The following PDE1C variants were observed in gnomAD, a reference collection of about 807,000 sequenced individuals.
PDE1C encodes phosphodiesterase 1C.
Under a neutral mutation model 93.1 loss-of-function variants are expected in PDE1C, and 62 were observed. The ratio of observed to expected loss-of-function variants is 0.67; its 90% CI spans 0.54 to 0.82. PDE1C has a LOEUF of 0.82. Ranked by LOEUF, PDE1C falls within the 40% of genes least tolerant of loss-of-function variation. The probability of loss-of-function intolerance (pLI) is 0.00; values close to 1 mark genes in which losing one functional copy is unlikely to be tolerated. For synonymous variants in PDE1C, 325 were observed against 310.1 expected, an observed-to-expected ratio of 1.05 and a Z score of -0.50; for missense variants, 742 against 884.6, an observed-to-expected ratio of 0.84 and a Z score of 2.04.
chr7:31,745,042 T>C, the PDE1C span, among the ~76,000 whole-genome samples: 17 of 152,036 alleles, frequency 1.1e-4, no homozygotes, highest in Admixed American at 8.5e-4. Flanking sequence ...CTGGATGAAG[T>C]GAGATTTTGG....
At chr7:32,299,038 G>A (rs928869993) in exon 1 of PDE1C, 2 of 1,191,744 alleles carry the variant, frequency 1.7e-6, no homozygotes, top group Non-Finnish European at 2.1e-6. Flanking sequence ...GCCCGAGCGC[G>A]TGGACGGGGC....
intron 2 of PDE1C, among the ~76,000 whole-genome samples, chr7:32,209,164 G>A (rs757631143): frequency 2.0e-5 from 3 of 152,146 alleles, no homozygotes; most frequent in Non-Finnish European, 4.4e-5. Context: ...GACTCAATAG[G>A]TCTGAAGGGG....
At chr7:31,718,639 C>A in the PDE1C span, among the ~76,000 whole-genome samples, 1 of 152,182 alleles carries the variant, frequency 6.6e-6, no homozygotes, top group Non-Finnish European at 1.5e-5. Context: ...ATGGGGCCCC[C>A]ATTCATATGT....
chr7:32,412,424 A>C (rs10228211), intron 1 of PDE1C, among the ~76,000 whole-genome samples: 21,524 of 150,088 alleles, frequency 0.14, 3,026 homozygotes, highest in African/African-American at 0.36. Flanking sequence ...CCACTGCACT[A>C]CAGTCTAGGT....
At chr7:31,674,569 T>C in the PDE1C span, among the ~76,000 whole-genome samples, 1 of 152,034 alleles carries the variant, frequency 6.6e-6, no homozygotes, top group African/African-American at 2.4e-5. Context: ...GATATAGAGA[T>C]AGAAAAATTG....
intron 16 of PDE1C, among the ~76,000 whole-genome samples, chr7:31,799,684 T>C (rs1584146728): frequency 1.3e-5 from 2 of 151,712 alleles, no homozygotes; most frequent in Non-Finnish European, 3.0e-5. Flanking sequence ...GTAGATATGA[T>C]TAGAGGCAAA....
intron 3 of PDE1C, among the ~76,000 whole-genome samples, chr7:32,120,638 G>A (rs1799245921): frequency 6.6e-6 from 1 of 152,082 alleles, no homozygotes; most frequent in African/African-American, 2.4e-5. Context: ...CAGCCCTCCA[G>A]AAGCGCAACC....
intron 1 of PDE1C, among the ~76,000 whole-genome samples, chr7:32,066,381 C>CA (rs557692200): frequency 4.1e-4 from 63 of 151,912 alleles, no homozygotes; most frequent in Non-Finnish European, 6.8e-4. Context: ...TTAGGTAATG[C>CA]AAAAAAGCAT....
At chr7:31,847,730 T>G in intron 9 of PDE1C, 1 of 441,086 alleles carries the variant, frequency 2.3e-6, no homozygotes, top group South Asian at 2.5e-5. Context: ...AGTTGGAACT[T>G]AATCATAACA....
At chr7:32,267,559 C>G (rs970250770) in intron 1 of PDE1C, among the ~76,000 whole-genome samples, 2 of 141,962 alleles carry the variant, frequency 1.4e-5, no homozygotes, top group Non-Finnish European at 3.1e-5. Context: ...AATGCAGCCT[C>G]TTTCTCTCTC....
In PDE1C at chr7:31,954,466, C is replaced by A. The variant is rs533518764; in HGVS notation, c.129-73606G>T. ...GGTAGCTTGCATTACCCTAGCTAAC[C>A]CAATTTGCTTTCATGGTTTCCTTTC... On this transcript the variant is annotated intron_variant, in intron 2 of 17. Coordinates refer to ENST00000396191, the MANE Select transcript of PDE1C (RefSeq NM_001191057.4). Among the ~76,000 whole-genome samples, 62 of 152,138 alleles carry A rather than the reference C, an allele frequency of 4.1e-4. No homozygotes were observed. In the South Asian group the frequency reaches 9.1e-3, roughly 22 times the overall value.
chr7:32,404,161 C>G (rs995824784), intron 1 of PDE1C, among the ~76,000 whole-genome samples: 1 of 152,134 alleles, frequency 6.6e-6, no homozygotes, highest in Non-Finnish European at 1.5e-5. Context: ...CTTCCCTTTT[C>G]TCGTGGCTGC....
At chr7:31,737,766 A>C in the PDE1C span, among the ~76,000 whole-genome samples, 1 of 141,874 alleles carries the variant, frequency 7.0e-6, no homozygotes, top group Non-Finnish European at 1.5e-5. Context: ...GCACCATTGC[A>C]CTCCAGCCTG....
intron 2 of PDE1C, among the ~76,000 whole-genome samples, chr7:31,918,101 T>C (rs938700566): frequency 4.6e-5 from 7 of 152,208 alleles, no homozygotes; most frequent in Non-Finnish European, 7.3e-5. Flanking sequence ...TATTGATTTA[T>C]TGTATCAGAC....
chr7:32,258,791 T>C (rs1809991541), intron 1 of PDE1C, among the ~76,000 whole-genome samples: 1 of 152,232 alleles, frequency 6.6e-6, no homozygotes, highest in African/African-American at 2.4e-5. Context: ...AAGTATCTTT[T>C]ACCCAAGGGT....
the PDE1C span, among the ~76,000 whole-genome samples, chr7:31,705,460 A>C: frequency 2.0e-5 from 3 of 148,780 alleles, no homozygotes; most frequent in Non-Finnish European, 4.4e-5. Context: ...CTGGTGTACG[A>C]GAAATATCTC....
At chr7:32,070,940 C>A (rs1014948503), upstream of PDE1C, 4 of 985,328 alleles carry the variant, frequency 4.1e-6, no homozygotes, top group African/African-American at 1.7e-5. Context: ...ACTCCCTGGC[C>A]GCGCCTGCCT....
At chr7:32,046,205 C>CA in intron 2 of PDE1C, among the ~76,000 whole-genome samples, 2 of 115,806 alleles carry the variant, frequency 1.7e-5, no homozygotes, top group East Asian at 7.5e-4. Flanking sequence ...AGCCATTTGC[C>CA]TTTTTTTTAA....
intron 8 of PDE1C, 42 bp downstream of exon 8, chr7:31,850,599 T>G: frequency 7.8e-7 from 1 of 1,286,730 alleles, no homozygotes; most frequent in East Asian, 2.3e-5. Context: ...ACTGTCTCTC[T>G]GACCCCTCTT....
Sources: allele counts gnomAD v4.1 joint callset (sites outside exome capture counted in the v4.1 genomes callset), GRCh38; gene constraint gnomAD v4.1.1; transcripts MANE v1.5; gene names NCBI Gene and HGNC (gene_info 2026-07-23, HGNC 2026-07-21).